Variants in TAB2 observed in about 807,000 individuals in gnomAD.
TAB2 encodes the protein TGF-beta-activated kinase 1 and MAP3K7-binding protein 2.
Under a neutral mutation model 65.0 loss-of-function variants are expected in TAB2, and 3 were observed. That is an observed-to-expected ratio of 0.05 (90% CI 0.02 to 0.12). The LOEUF (loss-of-function observed/expected upper bound fraction) is 0.12. TAB2 is among the 10% of genes least tolerant of loss of function. The pLI, the probability that TAB2 is intolerant of heterozygous loss-of-function variation, is 1.00. For missense variants in TAB2, 623 were observed against 840.3 expected (o/e 0.74, Z 3.20); for synonymous variants, 298 against 285.1 (o/e 1.05, Z -0.46).
At chr6:149,340,634 G>GT (rs1780085340) in intron 1 of TAB2, among the ~76,000 whole-genome samples, 1 of 151,942 alleles carries the variant, frequency 6.6e-6, no homozygotes, top group Admixed American at 6.6e-5. Context: ...ATCTGAAGTG[G>GT]TTTTTTTATT....
At chr6:149,351,458 A>G (rs1780487479) in intron 1 of TAB2, among the ~76,000 whole-genome samples, 1 of 152,232 alleles carries the variant, frequency 6.6e-6, no homozygotes, top group Admixed American at 6.5e-5. Flanking sequence ...ATTGGCTTTA[A>G]TTATGTTGTC....
intron 1 of TAB2, among the ~76,000 whole-genome samples, chr6:149,345,440 T>C (rs182973129): frequency 1.1e-4 from 16 of 152,238 alleles, no homozygotes; most frequent in African/African-American, 3.9e-4. Flanking sequence ...GGTTGGCTAA[T>C]ACAGGTACCT....
At chr6:149,401,049 A>G (rs1782389882) in intron 6 of TAB2, 2 of 198,704 alleles carry the variant, frequency 1.0e-5, no homozygotes, top group African/African-American at 2.4e-5. Flanking sequence ...TTTAACAACA[A>G]CAAAAAAAAA....
At chr6:149,371,294 G>A (rs1411158547) in intron 2 of TAB2, among the ~76,000 whole-genome samples, 1 of 152,018 alleles carries the variant, frequency 6.6e-6, no homozygotes, top group East Asian at 1.9e-4. Flanking sequence ...CTGCCAGAGT[G>A]CAGAGCTGTT....
chr6:149,381,591 T>TGG (rs150069041), intron 3 of TAB2, among the ~76,000 whole-genome samples: 2 of 127,142 alleles, frequency 1.6e-5, no homozygotes, highest in Admixed American at 8.2e-5. Context: ...TTTTTTTTTT[T>TGG]GGGACAGGGT....
Position 149,357,430 on chromosome 6 carries a change from A to AAAAAAAAACACACACACACAC in TAB2, c.-89-12478_-89-12477insAAAAAAACACACACACACACA. On this transcript the variant is annotated intron_variant, in intron 1 of 6. Transcript: ENST00000637181. ...GACTCCGTCTCAAGGAGAAAAAAAA[A>AAAAAAAAACACACACACACAC]ACACACACACACACACACACACACA... Among the ~76,000 whole-genome samples the AAAAAAAAACACACACACACAC allele has an allele frequency of 9.6e-4, 107 of 111,168 alleles. 1 individual carries two copies. The highest frequency in any genetic ancestry group is 1.3e-3 in the East Asian group (4 of 3,198). 72.9% of individuals were successfully genotyped at this position (111,168 alleles called of 152,430 possible).
chr6:149,259,363 AC>A (rs1778105904), intron 1 of TAB2, among the ~76,000 whole-genome samples: 1 of 151,822 alleles, frequency 6.6e-6, no homozygotes, highest in Non-Finnish European at 1.5e-5. Flanking sequence ...ACACACACAC[AC>A]ACACACACAT....
chr6:149,405,181 C>G (rs1782621617), intron 6 of TAB2, among the ~76,000 whole-genome samples: 1 of 152,152 alleles, frequency 6.6e-6, no homozygotes, highest in Admixed American at 6.5e-5. Flanking sequence ...CCTCACTAAT[C>G]ATCAGGAAAA....
chr6:149,276,868 A>C (rs774609933), intron 1 of TAB2, among the ~76,000 whole-genome samples: 1 of 152,220 alleles, frequency 6.6e-6, no homozygotes, highest in Non-Finnish European at 1.5e-5. Flanking sequence ...CCCCACCCAA[A>C]TATCATCTTG....
chr6:149,397,489 T>C, intron 3 of TAB2, 115 bp from the exon 4 acceptor site: 2 of 1,210,854 alleles, frequency 1.7e-6, no homozygotes, highest in Non-Finnish European at 1.2e-6. Context: ...TTACAATATT[T>C]TGTTTTAATG....
chr6:149,297,949 C>T (rs1778906261), intron 1 of TAB2, among the ~76,000 whole-genome samples: 2 of 152,056 alleles, frequency 1.3e-5, no homozygotes, highest in South Asian at 4.1e-4. Flanking sequence ...TCCCTATTTG[C>T]TAAAAAATAT....
intron 1 of TAB2, among the ~76,000 whole-genome samples, chr6:149,357,430 A>AAAAAAACACCC: frequency 9.0e-6 from 1 of 111,146 alleles, no homozygotes. Flanking sequence ...AGAAAAAAAA[A>AAAAAAACACCC]ACACACACAC....
chr6:149,353,642 A>T (rs967075703), intron 1 of TAB2, among the ~76,000 whole-genome samples: 2 of 152,246 alleles, frequency 1.3e-5, no homozygotes, highest in African/African-American at 4.8e-5. Flanking sequence ...ATAAAGTCGT[A>T]TTCTGAGGAA....
intron 1 of TAB2, among the ~76,000 whole-genome samples, chr6:149,229,586 G>A (rs1271529586): frequency 6.6e-6 from 1 of 152,080 alleles, no homozygotes; most frequent in East Asian, 1.9e-4. Flanking sequence ...TTTCCATGAG[G>A]GTCACCGGAT....
chr6:149,357,430 AACACACACACACAC>A (rs1554261742), intron 1 of TAB2, among the ~76,000 whole-genome samples: 7 of 111,146 alleles, frequency 6.3e-5, no homozygotes, highest in South Asian at 3.5e-4. Context: ...AGAAAAAAAA[AACACACACACACAC>A]ACACACACAC....
chr6:149,272,663 A>T (rs1778384792), intron 1 of TAB2, among the ~76,000 whole-genome samples: 1 of 152,126 alleles, frequency 6.6e-6, no homozygotes, highest in African/African-American at 2.4e-5. Context: ...TAACTTAATC[A>T]CACCCACAAA....
rs181125648 is a variant in TAB2 at position 149,365,375 on chromosome 6, T to A, written c.-89-4534T>A. ...TACATTTTCAAATAGTTATATTGCT[T>A]TCACTCTTAAAGTTTACTTTTGCTG... On this transcript the variant is annotated intron_variant, in intron 1 of 6. Coordinates refer to ENST00000637181, the MANE Select transcript of TAB2 (RefSeq NM_001292034.3). Among the ~76,000 whole-genome samples the A allele has an allele frequency of 1.5e-4, 23 of 152,320 alleles. No homozygotes were observed. The East Asian group carries it at 4.2e-3, about 28-fold the overall frequency.
At chr6:149,310,372 C>T (rs1779147489) in intron 1 of TAB2, among the ~76,000 whole-genome samples, 1 of 151,950 alleles carries the variant, frequency 6.6e-6, no homozygotes, top group Non-Finnish European at 1.5e-5. Flanking sequence ...AATGTGGGGG[C>T]AATTTTCATT....
chr6:149,364,617 A>G (rs192267510), intron 1 of TAB2, among the ~76,000 whole-genome samples: 1 of 151,518 alleles, frequency 6.6e-6, no homozygotes, highest in African/African-American at 2.4e-5. Flanking sequence ...TATCTCCAGC[A>G]TGGTATCTCC....
Sources: gnomAD v4.1 joint callset for allele counts (sites outside exome capture counted in the v4.1 genomes callset) on GRCh38, gnomAD v4.1.1 for gene constraint, MANE v1.5 for transcripts, NCBI Gene and HGNC (gene_info 2026-07-23, HGNC 2026-07-21) for gene names.